Variants in HYCC2 observed in about 807,000 individuals in gnomAD.
HYCC2 encodes hyccin 2.
the HYCC2 span, among the ~76,000 whole-genome samples, chr2:201,016,695 G>T: frequency 6.6e-6 from 1 of 151,442 alleles, no homozygotes; most frequent in East Asian, 1.9e-4. Flanking sequence ...TAACTCCTCA[G>T]TTCCAGCAAT....
At chr2:201,068,625 G>C in the HYCC2 span, among the ~76,000 whole-genome samples, 2 of 152,160 alleles carry the variant, frequency 1.3e-5, no homozygotes, top group African/African-American at 2.4e-5. Context: ...ATTGTTTTGA[G>C]GTATCTATTT....
chr2:200,991,757 AT>A, the HYCC2 span, among the ~76,000 whole-genome samples: 1 of 150,862 alleles, frequency 6.6e-6, no homozygotes, highest in Non-Finnish European at 1.5e-5. Context: ...AAAATAAAAA[AT>A]TTAAAAAAAC....
At chr2:201,019,141 CAAATTTTGTTTACTAA>C in the HYCC2 span, among the ~76,000 whole-genome samples, 1 of 152,182 alleles carries the variant, frequency 6.6e-6, no homozygotes, top group Non-Finnish European at 1.5e-5. Flanking sequence ...GTTGCTCTCA[CAAATTTTGTTTACTAA>C]AAATTTATAC....
At chr2:201,027,061 T>G in the HYCC2 span, among the ~76,000 whole-genome samples, 1 of 152,026 alleles carries the variant, frequency 6.6e-6, no homozygotes, top group Non-Finnish European at 1.5e-5. Context: ...ATTGATAGAC[T>G]GCTAGCACGA....
chr2:201,070,679 C>A, the HYCC2 span, among the ~76,000 whole-genome samples: 1 of 152,042 alleles, frequency 6.6e-6, no homozygotes, highest in Non-Finnish European at 1.5e-5. Flanking sequence ...TATTTTTTTC[C>A]CCATATTCAG....
At chr2:201,029,918 T>G in the HYCC2 span, among the ~76,000 whole-genome samples, 1 of 152,082 alleles carries the variant, frequency 6.6e-6, no homozygotes, top group Non-Finnish European at 1.5e-5. Flanking sequence ...ACCCTAGAAC[T>G]TAAAGCATAT....
chr2:201,062,954 G>C, the HYCC2 span: 1 of 987,034 alleles, frequency 1.0e-6, no homozygotes, highest in Non-Finnish European at 1.5e-6. Flanking sequence ...AACTACTACT[G>C]CTGCTGCTGC....
the HYCC2 span, among the ~76,000 whole-genome samples, chr2:201,050,054 T>TA: frequency 1.8e-3 from 275 of 150,468 alleles, 3 homozygotes; most frequent in African/African-American, 6.3e-3. Flanking sequence ...CTACAAAAAA[T>TA]AAAAAAAATA....
chr2:201,048,965 C>A, the HYCC2 span, among the ~76,000 whole-genome samples: 2 of 151,372 alleles, frequency 1.3e-5, no homozygotes, highest in African/African-American at 4.8e-5. Flanking sequence ...AACAAACAAA[C>A]AAACAAAAAA....
the HYCC2 span, chr2:201,017,128 T>C: frequency 3.1e-6 from 5 of 1,613,790 alleles, no homozygotes; most frequent in Non-Finnish European, 4.2e-6. Context: ...ACCTCTGAGC[T>C]ACGATAGAGC....
the HYCC2 span, chr2:201,067,079 G>T: frequency 3.3e-6 from 1 of 300,936 alleles, no homozygotes; most frequent in South Asian, 3.6e-5. Flanking sequence ...CCATAACATT[G>T]ATGAGCCAAG....
the HYCC2 span, among the ~76,000 whole-genome samples, chr2:201,033,679 C>T: frequency 6.6e-6 from 1 of 151,950 alleles, no homozygotes; most frequent in Admixed American, 6.6e-5. Flanking sequence ...GCTGGGATTA[C>T]AGGTGTAAGC....
the HYCC2 span, among the ~76,000 whole-genome samples, chr2:201,025,511 A>G: frequency 6.6e-6 from 1 of 152,110 alleles, no homozygotes; most frequent in Non-Finnish European, 1.5e-5. Flanking sequence ...GTACAAAACA[A>G]AGGAGCCAAT....
chr2:201,015,640 C>T, the HYCC2 span, among the ~76,000 whole-genome samples: 1 of 152,182 alleles, frequency 6.6e-6, no homozygotes, highest in African/African-American at 2.4e-5. Context: ...TAATACAATT[C>T]TTCTGTTCAA....
the HYCC2 span, chr2:200,988,406 T>G: frequency 6.2e-7 from 1 of 1,612,308 alleles, no homozygotes; most frequent in Non-Finnish European, 8.5e-7. Flanking sequence ...AATGAGTTTT[T>G]CATGGCATTG....
the HYCC2 span, chr2:200,974,731 C>T: frequency 6.6e-6 from 1 of 151,884 alleles, no homozygotes; most frequent in African/African-American, 2.4e-5. Context: ...TATGCAAATA[C>T]ATTCCATGAT....
At chr2:201,041,256 T>G in the HYCC2 span, among the ~76,000 whole-genome samples, 3 of 152,218 alleles carry the variant, frequency 2.0e-5, no homozygotes, top group South Asian at 2.1e-4. Context: ...GTAACACAGT[T>G]TAAGTGGCAG....
At chr2:201,005,426 C>T in the HYCC2 span, among the ~76,000 whole-genome samples, 1 of 151,870 alleles carries the variant, frequency 6.6e-6, no homozygotes, top group Admixed American at 6.6e-5. Flanking sequence ...TTTTTTCCCA[C>T]CTAAGGCAGT....
the HYCC2 span, among the ~76,000 whole-genome samples, chr2:201,045,078 CTATTAG>C: frequency 6.6e-6 from 1 of 152,136 alleles, no homozygotes; most frequent in Admixed American, 6.5e-5. Flanking sequence ...TTAAGACATA[CTATTAG>C]TATAATTACC....
Sources: gnomAD v4.1 joint callset for allele counts (sites outside exome capture counted in the v4.1 genomes callset) on GRCh38, gnomAD v4.1.1 for gene constraint, MANE v1.5 for transcripts, NCBI Gene and HGNC (gene_info 2026-07-23, HGNC 2026-07-21) for gene names.